The following CDH1 variants were observed in gnomAD, a reference collection of about 807,000 sequenced individuals.
CDH1 encodes cadherin 1.
In CDH1, 35 loss-of-function variants were observed where a neutral mutation model predicts 84.5. The ratio of observed to expected loss-of-function variants is 0.41; its 90% confidence interval spans 0.32 to 0.55. The LOEUF is 0.55. Among genes scored for constraint, CDH1 ranks in the 20% least tolerant of loss-of-function variants. CDH1 has a pLI of 0.19. For synonymous variants in CDH1, 417 were observed against 439.0 expected, an observed-to-expected ratio of 0.95 and a Z score of 0.63; for missense variants, 994 against 1,126.6, an observed-to-expected ratio of 0.88 and a Z score of 1.68.
At chr16:68,744,883 C>A (rs1962680799) in intron 2 of CDH1, among the ~76,000 whole-genome samples, 2 of 152,168 alleles carry the variant, frequency 1.3e-5, no homozygotes, top group African/African-American at 4.8e-5. Flanking sequence ...ATCCCCTGCG[C>A]TCCCTCTCAC....
chr16:68,741,531 G>T (rs1221036243), intron 2 of CDH1, among the ~76,000 whole-genome samples: 1 of 151,942 alleles, frequency 6.6e-6, no homozygotes, highest in Non-Finnish European at 1.5e-5. Flanking sequence ...TTAACTCAGG[G>T]GACTTTGGAG....
chr16:68,782,827 C>T (rs1390871715), intron 2 of CDH1, among the ~76,000 whole-genome samples: 1 of 152,114 alleles, frequency 6.6e-6, no homozygotes, highest in Non-Finnish European at 1.5e-5. Flanking sequence ...CCCCTCCGTC[C>T]CTGGACCAGC....
intron 10 of CDH1, among the ~76,000 whole-genome samples, chr16:68,816,235 C>T (rs1191912713): frequency 6.6e-6 from 1 of 152,158 alleles, no homozygotes; most frequent in Admixed American, 6.6e-5. Context: ...CCAGGCTGGT[C>T]TCGAACTTCT....
At chr16:68,771,294 T>C (rs1959565230) in intron 2 of CDH1, among the ~76,000 whole-genome samples, 1 of 151,948 alleles carries the variant, frequency 6.6e-6, no homozygotes, top group Admixed American at 6.6e-5. Context: ...AGCCCTTTTT[T>C]CTTTTTCTTT....
chr16:68,743,052 G>A (rs1052585425), intron 2 of CDH1, among the ~76,000 whole-genome samples: 3 of 152,314 alleles, frequency 2.0e-5, no homozygotes, highest in South Asian at 4.1e-4. Flanking sequence ...CTCCCAGTGG[G>A]GCCCTGCCTG....
chr16:68,757,852 G>A (rs1050456831), intron 2 of CDH1, among the ~76,000 whole-genome samples: 2 of 150,390 alleles, frequency 1.3e-5, no homozygotes, highest in African/African-American at 4.9e-5. Context: ...GAGTGGAGTG[G>A]TACAATTTTG....
At chr16:68,769,979 CTT>C (rs34018552) in intron 2 of CDH1, among the ~76,000 whole-genome samples, 47 of 125,130 alleles carry the variant, frequency 3.8e-4, no homozygotes, top group African/African-American at 5.0e-4. Flanking sequence ...CCGCAGCTGG[CTT>C]TTTTTTTTTT....
intron 2 of CDH1, among the ~76,000 whole-genome samples, chr16:68,749,978 T>A (rs1361467444): frequency 6.6e-6 from 1 of 151,806 alleles, no homozygotes; most frequent in Admixed American, 6.6e-5. Context: ...TTTATGATTT[T>A]TTTTTTAAGA....
chr16:68,739,321 G>A (rs1962497634), intron 2 of CDH1, among the ~76,000 whole-genome samples: 1 of 152,108 alleles, frequency 6.6e-6, no homozygotes, highest in African/African-American at 2.4e-5. Flanking sequence ...GGAGGCTGAG[G>A]CAGGAGAATT....
chr16:68,781,220 G>A (rs1158758547), intron 2 of CDH1, among the ~76,000 whole-genome samples: 2 of 152,202 alleles, frequency 1.3e-5, no homozygotes, highest in East Asian at 3.8e-4. Flanking sequence ...CAGAGGGTTT[G>A]AGTTGAGGGT....
At chr16:68,781,731 A>G (rs1404363504) in intron 2 of CDH1, among the ~76,000 whole-genome samples, 1 of 152,058 alleles carries the variant, frequency 6.6e-6, no homozygotes, top group African/African-American at 2.4e-5. Context: ...GCCTTAGCCA[A>G]ACTGCTGGGA....
At chr16:68,802,955 G>A (rs1960555165) in intron 3 of CDH1, among the ~76,000 whole-genome samples, 1 of 152,152 alleles carries the variant, frequency 6.6e-6, no homozygotes, top group African/African-American at 2.4e-5. Context: ...ACAAACAGAT[G>A]AATTGGCCAT....
At chr16:68,811,884 G>A (rs768395809) in intron 7 of CDH1, 25 bp downstream of exon 7, 2 of 1,613,142 alleles carry the variant, frequency 1.2e-6, no homozygotes, top group Non-Finnish European at 1.7e-6. Flanking sequence ...GGATCCAGAG[G>A]GTGTGGAGGA....
chr16:68,831,790 C>T (rs1448040014), intron 15 of CDH1, among the ~76,000 whole-genome samples: 4 of 151,894 alleles, frequency 2.6e-5, no homozygotes, highest in Admixed American at 6.5e-5. Flanking sequence ...CTCCCTGCCT[C>T]GGCCTCCCAA....
intron 2 of CDH1, among the ~76,000 whole-genome samples, chr16:68,744,679 C>G (rs1301313570): frequency 6.6e-6 from 1 of 152,158 alleles, no homozygotes; most frequent in Non-Finnish European, 1.5e-5. Flanking sequence ...AGATTTCAAT[C>G]CAGACAATGT....
chr16:68,818,236 TC>T (rs1246256594), intron 10 of CDH1, among the ~76,000 whole-genome samples: 2 of 104,656 alleles, frequency 1.9e-5, no homozygotes, highest in Non-Finnish European at 3.4e-5. Context: ...CGAGACTCTG[TC>T]CCAAAAAAAA....
intron 2 of CDH1, among the ~76,000 whole-genome samples, chr16:68,756,012 C>G (rs191855903): frequency 6.6e-6 from 1 of 152,070 alleles, no homozygotes; most frequent in South Asian, 2.1e-4. Context: ...GATAAGCCCT[C>G]CTCGGCCTCC....
At position 68,833,708 on chromosome 16, in the gene CDH1, CT is replaced by C. The variant is rs145920869; in HGVS notation, c.*221del. The stretch of plus-strand genomic sequence containing the variant: ...AAAAGTTTCGACTTATTTCTTAAAG[CT>C]TTTTTTTTTTTCCCATCACTCTTTA... On this transcript the variant is annotated 3_prime_UTR_variant, in exon 16 of 16. Transcript: ENST00000261769. 0.16 allele frequency: 73,024 copies of C among 450,514 alleles called. 1 individual carries two copies. The highest frequency in any genetic ancestry group is 0.27 in the South Asian group (9,560 of 35,492). The allele number at this position is 450,514 out of a possible 1,614,324, so 27.9% of individuals were successfully genotyped here. A position where few individuals can be genotyped will look rare whatever the true frequency, so the allele number is the denominator to read the frequency against.
intron 2 of CDH1, among the ~76,000 whole-genome samples, chr16:68,751,563 C>T (rs549620365): frequency 3.9e-5 from 6 of 152,056 alleles, no homozygotes; most frequent in South Asian, 2.1e-4. Context: ...AGTGCAGTGG[C>T]GCAATCTCGG....
Sources: allele counts gnomAD v4.1 joint callset (sites outside exome capture counted in the v4.1 genomes callset), GRCh38; gene constraint gnomAD v4.1.1; transcripts MANE v1.5; gene names NCBI Gene and HGNC (gene_info 2026-07-23, HGNC 2026-07-21).